EPM2A: variants seen among roughly 807,000 people sequenced by gnomAD.
The protein encoded by EPM2A is EPM2A glucan phosphatase, laforin, also known as laforin.
EPM2A carries 21 observed loss-of-function variants against 26.5 expected under a neutral mutation model. The observed-to-expected ratio is 0.79, with a 90% confidence interval of 0.56 to 1.14. The LOEUF is 1.14. Among genes scored for constraint, EPM2A ranks in the 50% most tolerant of loss-of-function variants. The pLI, the probability that EPM2A is intolerant of heterozygous loss-of-function variation, is 0.00. For synonymous variants in EPM2A, 217 were observed against 177.6 expected (o/e 1.22, Z -1.76); for missense variants, 458 against 440.8 (o/e 1.04, Z -0.35).
At chr6:145,657,114 G>A (rs1211456990) in intron 2 of EPM2A, among the ~76,000 whole-genome samples, 1 of 141,162 alleles carries the variant, frequency 7.1e-6, no homozygotes, top group Non-Finnish European at 1.5e-5. Flanking sequence ...TTTTGAGATG[G>A]AGTCCTGCTC....
chr6:145,635,368 C>G lies in EPM2A; in HGVS notation c.595G>C (p.Val199Leu). 6.2e-7 allele frequency: 1 copy of G among 1,614,162 alleles called. No homozygotes were observed. Among genetic ancestry groups the G allele is most frequent in the Non-Finnish European group, 8.5e-7 (1 of 1,180,024 alleles). ...VMNFQTEWDI[V>L]QNSSGCNRYP... ...CGGTTACAGCCTGAGGAATTCTGTA[C>G]AATATCCCATTCAGTCTGGAAATTC... The change falls in exon 3 of 4, where the codon GTA (valine) becomes CTA (leucine). Residue 199 changes from valine (V) to leucine (L), a missense_variant. Transcript: ENST00000367519.
At chr6:145,472,736 T>C (rs1582782366) in intron 4 of EPM2A, among the ~76,000 whole-genome samples, 1 of 152,100 alleles carries the variant, frequency 6.6e-6, no homozygotes, top group African/African-American at 2.4e-5. Context: ...GAATGCTAGC[T>C]CAGCCACAAT....
chr6:145,687,770 T>C (rs1302175351), intron 1 of EPM2A, among the ~76,000 whole-genome samples: 1 of 152,190 alleles, frequency 6.6e-6, no homozygotes, highest in East Asian at 1.9e-4. Flanking sequence ...AGACAGAAGG[T>C]ACAGGATGAC....
At chr6:145,428,188 T>A (rs1280769229) in intron 4 of EPM2A, among the ~76,000 whole-genome samples, 2 of 151,014 alleles carry the variant, frequency 1.3e-5, no homozygotes, top group African/African-American at 4.8e-5. Flanking sequence ...CTCAAAATCA[T>A]AAGACACATA....
chr6:145,719,140 A>G (rs1393464073), intron 1 of EPM2A, among the ~76,000 whole-genome samples: 1 of 151,972 alleles, frequency 6.6e-6, no homozygotes, highest in Non-Finnish European at 1.5e-5. Flanking sequence ...CCAAAGGATT[A>G]TAAATCATGC....
chr6:145,702,229 A>T (rs1781953706), intron 1 of EPM2A, among the ~76,000 whole-genome samples: 1 of 152,206 alleles, frequency 6.6e-6, no homozygotes, highest in South Asian at 2.1e-4. Flanking sequence ...GCTAGTTTCC[A>T]TAATAATTTT....
At chr6:145,692,151 C>G (rs1781317394) in intron 1 of EPM2A, among the ~76,000 whole-genome samples, 1 of 151,870 alleles carries the variant, frequency 6.6e-6, no homozygotes, top group Non-Finnish European at 1.5e-5. Flanking sequence ...TTTAAAGTAT[C>G]AATCTAACAA....
intron 2 of EPM2A, among the ~76,000 whole-genome samples, chr6:145,510,068 G>A (rs1290585112): frequency 6.6e-6 from 1 of 151,852 alleles, no homozygotes; most frequent in Non-Finnish European, 1.5e-5. Flanking sequence ...CAACATTGGA[G>A]CACCCAGATT....
intron 1 of EPM2A, chr6:145,721,140 G>A (rs1775928633): frequency 6.6e-6 from 1 of 152,224 alleles, no homozygotes; most frequent in African/African-American, 2.4e-5. Flanking sequence ...TCCAGCCTGG[G>A]TGACAGAGCC....
At chr6:145,645,164 C>T (rs900015287) in intron 2 of EPM2A, among the ~76,000 whole-genome samples, 1 of 152,112 alleles carries the variant, frequency 6.6e-6, no homozygotes, top group Non-Finnish European at 1.5e-5. Flanking sequence ...AATGAGCATA[C>T]CTAGCTTCTA....
chr6:145,650,122 C>T (rs1777774800), intron 2 of EPM2A, among the ~76,000 whole-genome samples: 1 of 152,138 alleles, frequency 6.6e-6, no homozygotes, highest in African/African-American at 2.4e-5. Context: ...AGAAGAGCTG[C>T]TGATGGGAAG....
chr6:145,493,415 G>C (rs1779778992), intron 4 of EPM2A, among the ~76,000 whole-genome samples: 1 of 152,114 alleles, frequency 6.6e-6, no homozygotes, highest in Non-Finnish European at 1.5e-5. Context: ...TCTAGATATA[G>C]GATCATGTCA....
intron 2 of EPM2A, among the ~76,000 whole-genome samples, chr6:145,534,038 T>A (rs1429304351): frequency 6.6e-6 from 1 of 152,082 alleles, no homozygotes; most frequent in Non-Finnish European, 1.5e-5. Context: ...TAATTAAAAT[T>A]AAACTATAAA....
At chr6:145,597,198 C>G (rs906233820) in intron 2 of EPM2A, among the ~76,000 whole-genome samples, 2 of 152,130 alleles carry the variant, frequency 1.3e-5, no homozygotes, top group Non-Finnish European at 2.9e-5. Context: ...CCGGCCTCTC[C>G]GAGATCTTAT....
At chr6:145,714,364 G>A (rs1168152646) in intron 1 of EPM2A, among the ~76,000 whole-genome samples, 1 of 152,166 alleles carries the variant, frequency 6.6e-6, no homozygotes, top group Non-Finnish European at 1.5e-5. Context: ...GACTTTAAGT[G>A]AAATGATGTA....
At chr6:145,644,452 GT>G (rs575679785) in intron 2 of EPM2A, among the ~76,000 whole-genome samples, 1 of 151,788 alleles carries the variant, frequency 6.6e-6, no homozygotes, top group African/African-American at 2.4e-5. Context: ...AGCTGCATAA[GT>G]TTTTTTTATA....
intron 2 of EPM2A, among the ~76,000 whole-genome samples, chr6:145,667,986 G>A (rs1256893923): frequency 6.9e-6 from 1 of 145,070 alleles, no homozygotes; most frequent in Non-Finnish European, 1.5e-5. Context: ...GACACATGAA[G>A]GGGAATACCA....
intron 1 of EPM2A, among the ~76,000 whole-genome samples, chr6:145,715,215 G>A (rs1775549210): frequency 6.6e-6 from 1 of 152,118 alleles, no homozygotes. Context: ...GATCAAGGGT[G>A]GCCAGATTTC....
Position 145,627,577 on chromosome 6 carries a change from C to A in EPM2A, c.835G>T (p.Gly279Cys), listed in dbSNP as rs137852917. 2 of 1,614,250 alleles carry A rather than the reference C, an allele frequency of 1.2e-6. No individual in the cohort carries two copies. The highest frequency in any genetic ancestry group is 3.3e-5 in the Admixed American group (2 of 60,030). ...GVGRSTAAVCGWLQYVMGWNL... is the reference protein window; with the variant it reads ...GVGRSTAAVCCWLQYVMGWNL... Reference sequence around the variant, plus strand: ...CAGCCCATCACATACTGGAGCCAGCCGCAGACAGCCGCGGTGGAGCGGCCC... The same window carrying A: ...CAGCCCATCACATACTGGAGCCAGCAGCAGACAGCCGCGGTGGAGCGGCCC... Residue 279 changes from glycine to cysteine, a missense_variant, in exon 4 of 4, where the codon GGC becomes TGC. Gly to Cys is a radical substitution (Grantham distance 159). Coordinates refer to ENST00000367519, the MANE Select transcript of EPM2A (RefSeq NM_005670.4).
Sources: gnomAD v4.1 joint callset for allele counts (sites outside exome capture counted in the v4.1 genomes callset) on GRCh38, gnomAD v4.1.1 for gene constraint, MANE v1.5 for transcripts, NCBI Gene and HGNC (gene_info 2026-07-23, HGNC 2026-07-21) for gene names.